The following RYR3 variants were observed in gnomAD, a reference collection of about 807,000 sequenced individuals.
The protein encoded by RYR3 is brain ryanodine receptor-calcium release channel.
In RYR3, 207 loss-of-function variants were observed where a neutral mutation model predicts 584.3. The ratio of observed to expected loss-of-function variants is 0.35; its 90% CI spans 0.32 to 0.40. The LOEUF (loss-of-function observed/expected upper bound fraction) is 0.40. RYR3 is among the 10% of genes least tolerant of loss of function. The pLI, the probability that RYR3 is intolerant of heterozygous loss-of-function variation, is 1.00. For missense variants in RYR3, 5,616 were observed against 6,089.2 expected, an observed-to-expected ratio of 0.92 and a Z score of 2.59; for synonymous variants, 2,416 against 2,248.5, an observed-to-expected ratio of 1.07 and a Z score of -2.11.
intron 1 of RYR3, among the ~76,000 whole-genome samples, chr15:33,380,364 A>G (rs1389111501): frequency 2.6e-5 from 4 of 152,210 alleles, no homozygotes; most frequent in Admixed American, 2.6e-4. Flanking sequence ...GATGGGGGAT[A>G]GTTAGGTAAA....
At position 33,580,015 on chromosome 15, in the gene RYR3, A is replaced by G; in HGVS notation, c.1308A>G (p.Ile436Met). ...CAGCTGCCCCCATCACCCTGCCTAT[A>G]GAAGAAGTCCTGCAGACCCTACAGG... ...NRTAAPITLP[I>M]EEVLQTLQDL... Residue 436 changes from isoleucine to methionine, a missense_variant, in exon 13 of 104, where the codon ATA (isoleucine) becomes ATG (methionine). Around this residue, in one of 9 missense-constraint regions of RYR3, gnomAD observed 1,284 missense variants for 1,344.6 expected, o/e 0.95. Coordinates refer to ENST00000634891, the MANE Select transcript of RYR3 (RefSeq NM_001036.6). 1 of 1,613,334 alleles carries G rather than the reference A, an allele frequency of 6.2e-7. No individual in the cohort carries two copies. The highest frequency in any genetic ancestry group is 8.5e-7 in the Non-Finnish European group (1 of 1,179,596).
At chr15:33,662,089 A>C in intron 34 of RYR3, 64 bp from the exon 35 acceptor site, 1 of 1,380,420 alleles carries the variant, frequency 7.2e-7, no homozygotes, top group Non-Finnish European at 9.7e-7. Flanking sequence ...GGGCTGGATG[A>C]AATAGCTGGA....
intron 3 of RYR3, among the ~76,000 whole-genome samples, chr15:33,530,039 T>C (rs1275535850): frequency 6.6e-6 from 1 of 152,138 alleles, no homozygotes; most frequent in Non-Finnish European, 1.5e-5. Flanking sequence ...GATCTATTTC[T>C]GCATAACTGG....
At chr15:33,721,952 C>G (rs1328832971) in intron 43 of RYR3, among the ~76,000 whole-genome samples, 1 of 152,194 alleles carries the variant, frequency 6.6e-6, no homozygotes, top group Non-Finnish European at 1.5e-5. Context: ...ATACAATTCT[C>G]TAACCTCTGC....
At chr15:33,312,006 G>A (rs913538032) in intron 1 of RYR3, among the ~76,000 whole-genome samples, 1 of 152,242 alleles carries the variant, frequency 6.6e-6, no homozygotes, top group Non-Finnish European at 1.5e-5. Context: ...TGAGCAAGTC[G>A]CATAATCCGC....
chr15:33,783,354 T>C (rs2074497541), intron 65 of RYR3, among the ~76,000 whole-genome samples: 1 of 152,240 alleles, frequency 6.6e-6, no homozygotes, highest in Admixed American at 6.5e-5. Flanking sequence ...GTCTTGCGTC[T>C]GATTCTAAGA....
At chr15:33,326,475 A>G (rs1969715705) in intron 1 of RYR3, among the ~76,000 whole-genome samples, 1 of 152,230 alleles carries the variant, frequency 6.6e-6, no homozygotes, top group African/African-American at 2.4e-5. Flanking sequence ...TGTGTTAAAT[A>G]AAGGTAAAAG....
At chr15:33,684,391 C>A (rs1417061853) in intron 38 of RYR3, among the ~76,000 whole-genome samples, 1 of 152,136 alleles carries the variant, frequency 6.6e-6, no homozygotes, top group African/African-American at 2.4e-5. Context: ...AACAGACCTG[C>A]AGCTGAGGGA....
chr15:33,486,537 T>C (rs2572173), intron 2 of RYR3, among the ~76,000 whole-genome samples: 67,763 of 151,982 alleles, frequency 0.45, 15,909 homozygotes, highest in Non-Finnish European at 0.52. Flanking sequence ...ATTCAACATA[T>C]CTTTTGCGGG....
At chr15:33,669,843 TGG>T (rs35446204) in intron 37 of RYR3, among the ~76,000 whole-genome samples, 332 of 21,934 alleles carry the variant, frequency 0.015, 7 homozygotes, top group African/African-American at 0.025. Flanking sequence ...TGTGTGTGTG[TGG>T]GGGGGGGGGG....
chr15:33,639,287 T>C (rs1274835788), intron 27 of RYR3, among the ~76,000 whole-genome samples: 1 of 152,234 alleles, frequency 6.6e-6, no homozygotes, highest in Non-Finnish European at 1.5e-5. Context: ...TAGCACATTA[T>C]ACTGTCGTAT....
At chr15:33,321,912 T>G (rs1436579392) in intron 1 of RYR3, among the ~76,000 whole-genome samples, 2 of 152,172 alleles carry the variant, frequency 1.3e-5, no homozygotes, top group African/African-American at 2.4e-5. Context: ...TATAGAAAGG[T>G]GAAAATTATA....
In RYR3 at chr15:33,598,568, A is replaced by C. The variant is rs556037796; in HGVS notation, c.1789-2851A>C. On this transcript the variant is annotated intron_variant, in intron 16 of 103. Transcript: ENST00000634891. ...AGGAATTTGCAAGACAGAATCCCAA[A>C]CCAGTTTCTTACCTAGTGATGGGTC... Among the ~76,000 whole-genome samples the C allele has an allele frequency of 4.0e-5, 6 of 151,332 alleles. No individual in the cohort carries two copies. The South Asian group carries it at 6.3e-4, about 16-fold the overall frequency.
At chr15:33,443,535 T>A (rs1003957894) in intron 1 of RYR3, among the ~76,000 whole-genome samples, 1 of 152,134 alleles carries the variant, frequency 6.6e-6, no homozygotes, top group African/African-American at 2.4e-5. Context: ...ACCCGAGAAA[T>A]TAGAAAACAG....
At chr15:33,646,274 T>C in intron 28 of RYR3, 77 bp from the exon 29 acceptor site, 1 of 1,316,924 alleles carries the variant, frequency 7.6e-7, no homozygotes, top group Non-Finnish European at 1.0e-6. Flanking sequence ...GCCATGTGCA[T>C]GTCCACGAGG....
At chr15:33,840,037 AGAC>A (rs1182271574) in intron 89 of RYR3, among the ~76,000 whole-genome samples, 1 of 152,232 alleles carries the variant, frequency 6.6e-6, no homozygotes, top group Non-Finnish European at 1.5e-5. Context: ...TAGTGGGAGA[AGAC>A]AACAAATAAG....
At chr15:33,851,005 T>C (rs1198930952) in intron 94 of RYR3, 1 of 152,252 alleles carries the variant, frequency 6.6e-6, no homozygotes, top group Non-Finnish European at 1.5e-5. Flanking sequence ...TTATACTATA[T>C]ACATTATACT....
chr15:33,864,859 A>G, intron 103 of RYR3: 1 of 387,370 alleles, frequency 2.6e-6, no homozygotes, highest in Non-Finnish European at 4.6e-6. Context: ...ATCTTTAAGT[A>G]TGTTTAGTGG....
At chr15:33,387,662 C>CAA (rs35447627) in intron 1 of RYR3, among the ~76,000 whole-genome samples, 10,973 of 139,682 alleles carry the variant, frequency 0.079, 437 homozygotes, top group Non-Finnish European at 0.097. Flanking sequence ...AATGACCTCA[C>CAA]AAAAAAAAAA....
Sources: allele counts gnomAD v4.1 joint callset (sites outside exome capture counted in the v4.1 genomes callset), GRCh38; gene constraint gnomAD v4.1.1; regional missense constraint gnomAD v4.1.1; transcripts MANE v1.5; gene names NCBI Gene and HGNC (gene_info 2026-07-23, HGNC 2026-07-21).